SEMA4D: variants seen among roughly 807,000 people sequenced by gnomAD.
SEMA4D encodes the protein semaphorin 4D.
Under a neutral mutation model 74.8 loss-of-function variants are expected in SEMA4D, and 22 were observed. The ratio of observed to expected loss-of-function variants is 0.29; its 90% CI spans 0.21 to 0.42. The LOEUF is 0.42. Ranked by LOEUF, SEMA4D falls within the 10% of genes least tolerant of loss-of-function variation. The probability of loss-of-function intolerance (pLI) is 1.00; values close to 1 mark genes in which losing one functional copy is unlikely to be tolerated. For synonymous variants in SEMA4D, 445 were observed against 463.7 expected (o/e 0.96, Z 0.52); for missense variants, 937 against 1,118.4 (o/e 0.84, Z 2.31).
intron 4 of SEMA4D, among the ~76,000 whole-genome samples, chr9:89,401,386 G>A (rs1225479194): frequency 1.3e-5 from 2 of 152,228 alleles, no homozygotes; most frequent in Non-Finnish European, 1.5e-5. Context: ...ATAATGCTCA[G>A]AGCTCATTTA....
chr9:89,430,908 C>T (rs574268437), intron 2 of SEMA4D, among the ~76,000 whole-genome samples: 48 of 152,248 alleles, frequency 3.2e-4, no homozygotes, highest in Admixed American at 5.9e-4. Flanking sequence ...ACCCGGGAGG[C>T]GGAGGCTGCA....
intron 2 of SEMA4D, among the ~76,000 whole-genome samples, chr9:89,413,619 G>T (rs1303830182): frequency 2.0e-5 from 3 of 152,250 alleles, no homozygotes; most frequent in Non-Finnish European, 4.4e-5. Context: ...ACATGCATGT[G>T]TATGTCTGTG....
At chr9:89,480,450 G>A (rs1824498679) in intron 1 of SEMA4D, among the ~76,000 whole-genome samples, 2 of 152,260 alleles carry the variant, frequency 1.3e-5, no homozygotes, top group South Asian at 2.1e-4. Flanking sequence ...CGATGGGACT[G>A]GGCGCCGTGG....
At chr9:89,429,003 G>T (rs551793176) in intron 2 of SEMA4D, among the ~76,000 whole-genome samples, 24 of 152,196 alleles carry the variant, frequency 1.6e-4, no homozygotes, top group Non-Finnish European at 3.2e-4. Flanking sequence ...GTCCCTGTGG[G>T]GGGGGTCTCC....
chr9:89,410,122 C>T (rs934113220), intron 2 of SEMA4D, among the ~76,000 whole-genome samples: 17 of 152,168 alleles, frequency 1.1e-4, no homozygotes, highest in East Asian at 5.8e-4. Flanking sequence ...TTGCAGCACA[C>T]GCTGATTTCT....
At chr9:89,397,255 C>A (rs1841180343) in intron 5 of SEMA4D, among the ~76,000 whole-genome samples, 2 of 152,144 alleles carry the variant, frequency 1.3e-5, no homozygotes, top group Non-Finnish European at 2.9e-5. Context: ...TACTGGGACA[C>A]CCACTGTTGA....
intron 3 of SEMA4D, among the ~76,000 whole-genome samples, chr9:89,403,636 A>G (rs756895420): frequency 6.6e-6 from 1 of 152,256 alleles, no homozygotes; most frequent in Non-Finnish European, 1.5e-5. Flanking sequence ...TGAAGATTTG[A>G]GCAATAGCTG....
At chr9:89,376,869 C>T (rs568595341), downstream of SEMA4D, 90 of 1,550,676 alleles carry the variant, frequency 5.8e-5, no homozygotes, top group East Asian at 1.3e-3. Flanking sequence ...TTCCCCAGGG[C>T]GTGCACGTGC....
At chr9:89,411,811 C>G (rs753849297) in intron 2 of SEMA4D, among the ~76,000 whole-genome samples, 1 of 152,214 alleles carries the variant, frequency 6.6e-6, no homozygotes, top group Non-Finnish European at 1.5e-5. Context: ...GCAGCCAGAT[C>G]TGGGGGCTCA....
At chr9:89,451,844 T>C (rs919212684) in intron 2 of SEMA4D, among the ~76,000 whole-genome samples, 2 of 152,266 alleles carry the variant, frequency 1.3e-5, no homozygotes, top group African/African-American at 4.8e-5. Flanking sequence ...TCCTTCTGCA[T>C]GTCATGCACG....
intron 9 of SEMA4D, among the ~76,000 whole-genome samples, chr9:89,390,118 C>T (rs1041603214): frequency 6.6e-6 from 1 of 152,196 alleles, no homozygotes; most frequent in East Asian, 1.9e-4. Flanking sequence ...TGCTGCAAAC[C>T]CTCAGTGCTG....
At chr9:89,450,759 G>C in intron 2 of SEMA4D, 1 of 1,268,630 alleles carries the variant, frequency 7.9e-7, no homozygotes, top group Non-Finnish European at 1.1e-6. Context: ...GACCAAGGTG[G>C]GTCCCATCTC....
intron 16 of SEMA4D, among the ~76,000 whole-genome samples, chr9:89,370,431 C>T: frequency 7.1e-6 from 1 of 140,962 alleles, no homozygotes; most frequent in Non-Finnish European, 1.6e-5. Context: ...TGGTGTGTGG[C>T]TGGTGTGTGG....
At position 89,379,455 on chromosome 9, in the gene SEMA4D, T is replaced by C. The variant is rs749204954; in HGVS notation, c.1838A>G (p.Asn613Ser). 4 of 1,614,160 alleles carry C rather than the reference T, an allele frequency of 2.5e-6. No homozygotes were observed. Among genetic ancestry groups the C allele is most frequent in the East Asian group, 4.5e-5 (2 of 44,874 alleles). ...LMGRKNLLIF[N>S]LSEGDSGVYQ... ...CACCCCACTGTCTCCTTCTGACAAG[T>C]TGAAGATGAGCAAGTTTTTTCTGCC... The change falls in exon 16 of 16, where the codon AAC becomes AGC. Residue 613 changes from asparagine (N) to serine (S), a missense_variant. By Grantham distance (46) the Asn-to-Ser change is conservative. Coordinates refer to ENST00000422704, the MANE Select transcript of SEMA4D (RefSeq NM_001371194.2).
intron 2 of SEMA4D, among the ~76,000 whole-genome samples, chr9:89,419,363 C>T (rs1846418842): frequency 6.6e-6 from 1 of 152,198 alleles, no homozygotes; most frequent in African/African-American, 2.4e-5. Context: ...ACCGACATTT[C>T]CTGTTGAAAC....
chr9:89,419,666 A>G (rs1239599119), intron 2 of SEMA4D, among the ~76,000 whole-genome samples: 1 of 152,188 alleles, frequency 6.6e-6, no homozygotes, highest in East Asian at 1.9e-4. Context: ...TAATCCCAAC[A>G]CTTTAGGAGG....
intron 2 of SEMA4D, among the ~76,000 whole-genome samples, chr9:89,439,084 C>A (rs912244923): frequency 1.8e-4 from 27 of 149,426 alleles, no homozygotes; most frequent in African/African-American, 6.2e-4. Context: ...CGGATTCCAG[C>A]GATCCTCCTG....
rs779696323 is a variant in SEMA4D at position 89,387,593 on chromosome 9, C to A, written c.1123G>T (p.Ala375Ser). The part of the protein sequence containing the change: ...PRPGACIDSE[A>S]RAANYTSSLN... Reference sequence around the variant, plus strand: ...GAGCTGGTGTAGTTGGCGGCCCGTGCCTCGCTGTCGATGCACTGCAGGGAG... The same window carrying A: ...GAGCTGGTGTAGTTGGCGGCCCGTGACTCGCTGTCGATGCACTGCAGGGAG... Residue 375 changes from alanine (A) to serine (S), a missense_variant, in exon 12 of 16, where the codon GCA becomes TCA. Transcript: ENST00000422704. 6 of 1,614,098 alleles carry A rather than the reference C, an allele frequency of 3.7e-6. No homozygotes were observed. The highest frequency in any genetic ancestry group is 8.5e-7 in the Non-Finnish European group (1 of 1,180,030).
chr9:89,364,145 C>G, intron 16 of SEMA4D: 1 of 1,125,796 alleles, frequency 8.9e-7, no homozygotes, highest in Non-Finnish European at 1.2e-6. Context: ...CTTGGCCCGT[C>G]CTGTGGACTT....
Sources: allele counts gnomAD v4.1 joint callset (sites outside exome capture counted in the v4.1 genomes callset), GRCh38; gene constraint gnomAD v4.1.1; transcripts MANE v1.5; gene names NCBI Gene and HGNC (gene_info 2026-07-23, HGNC 2026-07-21).